Variants in NAT8L observed in about 807,000 individuals in gnomAD.
The protein encoded by NAT8L is aspartate N-acetyltransferase.
Under a neutral mutation model 21.2 loss-of-function variants are expected in NAT8L, and 6 were observed. That is an observed-to-expected ratio of 0.28 (90% CI 0.16 to 0.56). The LOEUF is 0.56. Among genes scored for constraint, NAT8L ranks in the 20% least tolerant of loss-of-function variants. The pLI is 0.93. For synonymous variants in NAT8L, 239 were observed against 204.9 expected (o/e 1.17, Z -1.42); for missense variants, 331 against 433.3 (o/e 0.76, Z 2.10).
chr4:2,066,160 C>T lies in NAT8L; in HGVS notation c.*2033C>T, dbSNP rs945476516. 2.4e-4 allele frequency: 37 copies of T among 152,296 alleles called. No individual in the cohort carries two copies. The highest frequency in any genetic ancestry group is 8.7e-4 in the African/African-American group (36 of 41,426). 9.4% of individuals were successfully genotyped at this position (152,296 alleles called of 1,614,324 possible). A position where few individuals can be genotyped will look rare whatever the true frequency, so the allele number is the denominator to read the frequency against. On this transcript the variant is annotated 3_prime_UTR_variant, in exon 3 of 3. Transcript: ENST00000423729. ...CCGACGCCAGGGCAGGGCCTGGAGGCCCAGGGACTGCCAGTGTCTCCTTGA... is the reference window on the plus strand; with the variant it reads ...CCGACGCCAGGGCAGGGCCTGGAGGTCCAGGGACTGCCAGTGTCTCCTTGA...
rs1274434557 is a variant in NAT8L, at chr4:2,064,225, G to A, written c.*98G>A. The A allele has an allele frequency of 5.8e-5, 48 of 832,992 alleles. No homozygotes were observed. The South Asian group carries it at 1.2e-3, about 21-fold the overall frequency. 51.6% of individuals were successfully genotyped at this position (832,992 alleles called of 1,614,324 possible). A position where few individuals can be genotyped will look rare whatever the true frequency, so the allele number is the denominator to read the frequency against. ...GCCTGCTTTCAGACGCTCAATTGGCGTTTGTGTTGGGTTTCCCCTTTTCAA... is the reference window on the plus strand; with the variant it reads ...GCCTGCTTTCAGACGCTCAATTGGCATTTGTGTTGGGTTTCCCCTTTTCAA... On this transcript the variant is annotated 3_prime_UTR_variant, in exon 3 of 3. Coordinates refer to ENST00000423729, the MANE Select transcript of NAT8L (RefSeq NM_178557.4).
At position 2,059,859 on chromosome 4, in the gene NAT8L, C is replaced by G; in HGVS notation, c.348C>G (p.Arg116=). Reference sequence around the variant, plus strand: ...TCCGCGGCCTGCGGCAGCACCCGCGCGCGCAGCTGCTCTACGCCCTGCTGG... The same window carrying G: ...TCCGCGGCCTGCGGCAGCACCCGCGGGCGCAGCTGCTCTACGCCCTGCTGG... The part of the protein sequence containing the change: ...TAFRGLRQHP[R]AQLLYALLAA... Residue 116 remains arginine, a synonymous_variant, in exon 1 of 3, where the codon CGC becomes CGG. Transcript: ENST00000423729. This position sits in a 1 kb window ranked among gnomAD's most constrained non-coding sequence, Gnocchi z 4.8. The G allele has an allele frequency of 7.3e-7, 1 of 1,377,592 alleles. No individual in the cohort carries two copies. The highest frequency in any genetic ancestry group is 9.5e-7 in the Non-Finnish European group (1 of 1,054,714). 85.3% of individuals were successfully genotyped at this position (1,377,592 alleles called of 1,614,324 possible).
chr4:2,061,314 C>T (rs1729884640), intron 2 of NAT8L, 152 bp downstream of exon 2: 2 of 1,428,054 alleles, frequency 1.4e-6, no homozygotes, highest in South Asian at 1.5e-5. Flanking sequence ...GTGACCGAGG[C>T]CTCCGGTGTC....
Position 2,061,094 on chromosome 4 carries a change from G to T in NAT8L, c.473G>T (p.Arg158Leu). The T allele has an allele frequency of 6.2e-7, 1 of 1,611,180 alleles. No homozygotes were observed. ...LRYYYSRKVI[R>L]AYLECALHTD... The stretch of plus-strand genomic sequence containing the variant: ...TACTACTACAGCCGCAAGGTGATCC[G>T]CGCCTACCTGGAGTGCGCGCTGCAC... The change falls in exon 2 of 3, where the codon CGC becomes CTC. Residue 158 changes from arginine (R) to leucine (L), a missense_variant. Around this residue, in one of 2 missense-constraint regions of NAT8L, gnomAD observed 132 missense variants for 237.1 expected, o/e 0.56. Transcript: ENST00000423729.
rs188726878 is a variant in NAT8L at position 2,061,791 on chromosome 4, G to A, written c.541+629G>A. On this transcript the variant is annotated intron_variant, in intron 2 of 2. Transcript: ENST00000423729. ...GTTCCCCCATGCCGGATGCCGCAGG[G>A]GTGAAGACTCTGCTCTCTGGGGTGG... is the stretch of plus-strand genomic sequence containing the variant. Among the ~76,000 whole-genome samples the A allele has an allele frequency of 2.4e-3, 365 of 152,296 alleles. 2 individuals are homozygous for A. The highest frequency in any genetic ancestry group is 8.1e-3 in the African/African-American group (337 of 41,558).
intron 2 of NAT8L, 30 bp from the exon 3 acceptor site, chr4:2,063,730 G>A (rs372578097): frequency 2.0e-5 from 32 of 1,607,838 alleles, no homozygotes; most frequent in South Asian, 1.2e-4. Flanking sequence ...CTTCCTCACC[G>A]GGTGTCCCTG....
In NAT8L at chr4:2,059,552, T is replaced by A; in HGVS notation, c.41T>A (p.Ile14Asn). 1 of 998,994 alleles carries A rather than the reference T, an allele frequency of 1.0e-6. No individual in the cohort carries two copies. Among genetic ancestry groups the A allele is most frequent in the Non-Finnish European group, 1.2e-6 (1 of 838,738 alleles). The allele number at this position is 998,994 out of a possible 1,614,324, so 61.9% of individuals were successfully genotyped here. Residue 14 changes from isoleucine to asparagine, a missense_variant, in exon 1 of 3, where the codon ATC becomes AAC. By Grantham distance (149) the Ile-to-Asn change is moderately radical. Coordinates refer to ENST00000423729, the MANE Select transcript of NAT8L (RefSeq NM_178557.4). This position sits in a 1 kb window ranked among gnomAD's most constrained non-coding sequence, Gnocchi z 4.8. Reference protein sequence around the residue: ...GPPDMVCETKIVAAEDHEALP... With the variant: ...GPPDMVCETKNVAAEDHEALP... ...CCCGACATGGTCTGCGAGACGAAGATCGTGGCCGCCGAGGACCATGAGGCG... is the reference window on the plus strand; with the variant it reads ...CCCGACATGGTCTGCGAGACGAAGAACGTGGCCGCCGAGGACCATGAGGCG...
In NAT8L at chr4:2,063,876, C is replaced by T. The variant is rs777096184; in HGVS notation, c.658C>T (p.Arg220Ter). 2 of 1,612,428 alleles carry T rather than the reference C, an allele frequency of 1.2e-6. No individual in the cohort carries two copies. The highest frequency in any genetic ancestry group is 1.7e-6 in the Non-Finnish European group (2 of 1,179,936). ...LLRMSVDSRF[R>*]GKGIAKALGR... is the part of the protein sequence containing the mutation. ...GCGGATGTCTGTGGACTCACGTTTC[C>T]GAGGCAAGGGCATCGCCAAGGCGCT... Residue 220 changes from arginine to a stop codon, truncating the protein, a stop_gained, in exon 3 of 3, where the codon CGA becomes TGA. Coordinates refer to ENST00000423729, the MANE Select transcript of NAT8L (RefSeq NM_178557.4). LOFTEE classifies it high-confidence loss of function.
rs2754210 is a variant in NAT8L, at chr4:2,068,247, T to C, written c.*4120T>C. ...ATGTACACGCGTGAGCATGCATGTG[T>C]GTGTACACGTGTATAGGTGTACATG... On this transcript the variant is annotated 3_prime_UTR_variant, in exon 3 of 3. Transcript: ENST00000423729. 0.83 allele frequency: 126,912 copies of C among 152,234 alleles called. 53,425 individuals are homozygous for C. Among genetic ancestry groups the C allele is most frequent in the Non-Finnish European group, 0.89 (60,677 of 68,024 alleles). 9.4% of individuals were successfully genotyped at this position (152,234 alleles called of 1,614,324 possible).
rs1239346578 is a variant in NAT8L, at chr4:2,059,376, T to TGCCGCCGCCGCCGCCGCCGCTGCCGCC, written c.-118_-92dup. On this transcript the variant is annotated 5_prime_UTR_variant, in exon 1 of 3. Coordinates refer to ENST00000423729, the MANE Select transcript of NAT8L (RefSeq NM_178557.4). The surrounding 1 kb of genome is among the most constrained non-coding windows in gnomAD (Gnocchi z 4.8). Reference sequence around the variant, plus strand: ...CCGCCTCCGCCCCGCGCCCCTGAGCTGCCGCCGCCGCCGCCGCCGCTGCCG... The same window carrying TGCCGCCGCCGCCGCCGCCGCTGCCGCC: ...CCGCCTCCGCCCCGCGCCCCTGAGCTGCCGCCGCCGCCGCCGCCGCTGCCGCCGCCGCCGCCGCCGCCGCCGCTGCCG... The TGCCGCCGCCGCCGCCGCCGCTGCCGCC allele has an allele frequency of 1.5e-4, 24 of 163,294 alleles. No homozygotes were observed. The highest frequency in any genetic ancestry group is 3.5e-4 in the Admixed American group (5 of 14,406). The allele number at this position is 163,294 out of a possible 1,614,324, so 10.1% of individuals were successfully genotyped here.
Position 2,061,065 on chromosome 4 carries a change from G to A in NAT8L, c.444G>A (p.Leu148=), listed in dbSNP as rs929044634. 6.2e-7 allele frequency: 1 copy of A among 1,605,834 alleles called. No individual in the cohort carries two copies. Among genetic ancestry groups the A allele is most frequent in the South Asian group, 1.1e-5 (1 of 90,128 alleles). Residue 148 remains leucine (L), a synonymous_variant, in exon 2 of 3, where the codon CTG becomes CTA. Transcript: ENST00000423729. ...TCLVPAALLG[L]RYYYSRKVIR... is the part of the protein sequence containing the mutation. ...TGGTGCCGGCCGCGCTGCTGGGCCT[G>A]CGCTACTACTACAGCCGCAAGGTGA...
rs1296556499 is a variant in NAT8L, at chr4:2,060,911, C to T, written c.377-87C>T. 5 of 606,326 alleles carry T rather than the reference C, an allele frequency of 8.2e-6. No individual in the cohort carries two copies. In the South Asian group the frequency reaches 8.4e-5, roughly 10 times the overall value. The allele number at this position is 606,326 out of a possible 1,614,324, so 37.6% of individuals were successfully genotyped here. ...CCTCCACCAGGAGCGCGGCCGGGCG[C>T]GGCGTCCCTAGCGGGCTTCGCCGGG... On this transcript the variant is annotated intron_variant, in intron 1 of 2. Coordinates refer to ENST00000423729, the MANE Select transcript of NAT8L (RefSeq NM_178557.4). This position sits in a 1 kb window ranked among gnomAD's most constrained non-coding sequence, Gnocchi z 4.7.
rs1177717628 is a variant in NAT8L at position 2,063,981 on chromosome 4, G to A, written c.763G>A (p.Ala255Thr). Residue 255 changes from alanine (A) to threonine (T), a missense_variant, in exon 3 of 3, where the codon GCC (alanine) becomes ACC (threonine). Around this residue, in one of 2 missense-constraint regions of NAT8L, gnomAD observed 132 missense variants for 237.1 expected, o/e 0.56. Transcript: ENST00000423729. ...GGGCACGACGGCCGTCAAGGTGGCC[G>A]CCCACAAGCTCTACGAGTCGCTGGG... is the stretch of plus-strand genomic sequence containing the variant. ...VLGTTAVKVA[A>T]HKLYESLGFR... 1.9e-6 allele frequency: 3 copies of A among 1,611,582 alleles called. No individual in the cohort carries two copies. The highest frequency in any genetic ancestry group is 2.5e-6 in the Non-Finnish European group (3 of 1,179,422).
rs1333108630 is a variant in NAT8L, at chr4:2,061,165, G to A, written c.541+3G>A. 1 of 1,609,070 alleles carries A rather than the reference G, an allele frequency of 6.2e-7. No individual in the cohort carries two copies. The highest frequency in any genetic ancestry group is 8.5e-7 in the Non-Finnish European group (1 of 1,178,116). Reference sequence around the variant, plus strand: ...GCAGTACTACATGAAGCCGCCCGGTGAGTCCCGCTCCCGCCGCTCCCCGAC... The same window carrying A: ...GCAGTACTACATGAAGCCGCCCGGTAAGTCCCGCTCCCGCCGCTCCCCGAC... On this transcript the variant is annotated splice_donor_region_variant and intron_variant, in intron 2 of 2. Transcript: ENST00000423729.
In NAT8L at chr4:2,059,383, G is replaced by C; in HGVS notation, c.-129G>C. 5.3e-6 allele frequency: 1 copy of C among 187,368 alleles called. No homozygotes were observed. The highest frequency in any genetic ancestry group is 9.6e-6 in the Non-Finnish European group (1 of 104,074). 11.6% of individuals were successfully genotyped at this position (187,368 alleles called of 1,614,324 possible). On this transcript the variant is annotated 5_prime_UTR_variant, in exon 1 of 3. Transcript: ENST00000423729. The surrounding 1 kb of genome is among the most constrained non-coding windows in gnomAD (Gnocchi z 4.8). ...CGCCCCGCGCCCCTGAGCTGCCGCC[G>C]CCGCCGCCGCCGCTGCCGCCGCCGC...
At position 2,066,099 on chromosome 4, in the gene NAT8L, G is replaced by A. The variant is rs1353855542; in HGVS notation, c.*1972G>A. On this transcript the variant is annotated 3_prime_UTR_variant, in exon 3 of 3. Transcript: ENST00000423729. ...GTGCCTTTGGAGCCTCGGGCTCCTGGGGTGCAGGGTGCTTGGGGGTGGCTG... is the reference window on the plus strand; with the variant it reads ...GTGCCTTTGGAGCCTCGGGCTCCTGAGGTGCAGGGTGCTTGGGGGTGGCTG... 1 of 152,540 alleles carries A rather than the reference G, an allele frequency of 6.6e-6. No homozygotes were observed. Among genetic ancestry groups the A allele is most frequent in the Non-Finnish European group, 1.5e-5 (1 of 68,218 alleles). 9.4% of individuals were successfully genotyped at this position (152,540 alleles called of 1,614,324 possible).
intron 2 of NAT8L, among the ~76,000 whole-genome samples, chr4:2,063,223 G>A (rs1241609573): frequency 6.6e-5 from 10 of 152,390 alleles, no homozygotes; most frequent in East Asian, 1.9e-4. Context: ...TGCCCTTTGC[G>A]GCCCTCTGCT....
At chr4:2,062,416 G>T (rs1314635884) in intron 2 of NAT8L, among the ~76,000 whole-genome samples, 1 of 152,034 alleles carries the variant, frequency 6.6e-6, no homozygotes, top group Non-Finnish European at 1.5e-5. Context: ...CAGCTGGTGG[G>T]AGGGATACTG....
At position 2,059,543 on chromosome 4, in the gene NAT8L, A is replaced by G; in HGVS notation, c.32A>G (p.Glu11Gly). The change falls in exon 1 of 3, where the codon GAG becomes GGG. Residue 11 changes from glutamate (E) to glycine (G), a missense_variant. Around this residue, in one of 2 missense-constraint regions of NAT8L, gnomAD observed 199 missense variants for 196.1 expected, o/e 1.01. Coordinates refer to ENST00000423729, the MANE Select transcript of NAT8L (RefSeq NM_178557.4). This position sits in a 1 kb window ranked among gnomAD's most constrained non-coding sequence, Gnocchi z 4.8. The stretch of plus-strand genomic sequence containing the variant: ...TGTGGGCCTCCCGACATGGTCTGCG[A>G]GACGAAGATCGTGGCCGCCGAGGAC... The part of the protein sequence containing the change: MHCGPPDMVC[E>G]TKIVAAEDHE... The G allele has an allele frequency of 1.0e-6, 1 of 1,000,952 alleles. No individual in the cohort carries two copies. Among genetic ancestry groups the G allele is most frequent in the Admixed American group, 6.0e-5 (1 of 16,670 alleles). The allele number at this position is 1,000,952 out of a possible 1,614,324, so 62.0% of individuals were successfully genotyped here.
Sources: gnomAD v4.1 joint callset for allele counts (sites outside exome capture counted in the v4.1 genomes callset) on GRCh38, gnomAD v4.1.1 for gene constraint, gnomAD v4.1.1 regional missense constraint, Gnocchi (gnomAD v3.1) non-coding constraint, MANE v1.5 for transcripts, NCBI Gene and HGNC (gene_info 2026-07-23, HGNC 2026-07-21) for gene names.